MALRD1: variants seen among roughly 807,000 people sequenced by gnomAD.
The protein encoded by MALRD1 is MAM and LDL-receptor class A domain-containing protein 1.
In MALRD1, 247 loss-of-function variants were observed where a neutral mutation model predicts 242.1. The observed-to-expected ratio is 1.02, with a 90% CI of 0.92 to 1.13. The LOEUF is 1.13. MALRD1 is among the 50% of genes most tolerant of loss of function. The pLI, the probability that MALRD1 is intolerant of heterozygous loss-of-function variation, is 0.00. For missense variants in MALRD1, 2,989 were observed against 2,533.1 expected (o/e 1.18, Z -3.86); for synonymous variants, 995 against 866.6 (o/e 1.15, Z -2.60).
chr10:19,729,716 T>G (rs2131937240), intron 38 of MALRD1, among the ~76,000 whole-genome samples: 1 of 145,700 alleles, frequency 6.9e-6, no homozygotes, highest in East Asian at 2.0e-4. Context: ...ATAAGTCTAT[T>G]AATTCTTTTT....
At chr10:19,335,493 T>A (rs1588928815) in intron 24 of MALRD1, among the ~76,000 whole-genome samples, 1 of 152,150 alleles carries the variant, frequency 6.6e-6, no homozygotes, top group Non-Finnish European at 1.5e-5. Context: ...ATAAGTGGTG[T>A]TATTATATTT....
intron 36 of MALRD1, among the ~76,000 whole-genome samples, chr10:19,686,382 G>T (rs768460074): frequency 6.6e-6 from 1 of 152,140 alleles, no homozygotes; most frequent in African/African-American, 2.4e-5. Context: ...CGTGTTTGCT[G>T]CAGTTGTGCG....
At chr10:19,228,013 A>C (rs1837874426) in intron 18 of MALRD1, among the ~76,000 whole-genome samples, 1 of 152,194 alleles carries the variant, frequency 6.6e-6, no homozygotes. Flanking sequence ...TGGGACTTCA[A>C]AATGGTACAG....
intron 29 of MALRD1, among the ~76,000 whole-genome samples, chr10:19,456,521 A>G (rs1197507149): frequency 1.3e-5 from 2 of 151,614 alleles, no homozygotes; most frequent in Non-Finnish European, 2.9e-5. Flanking sequence ...TATAAAGTTC[A>G]CACACAAATA....
At position 19,144,022 on chromosome 10, in the gene MALRD1, C is replaced by G. The variant is rs551896315; in HGVS notation, c.1412-2176C>G. ...ACACCTAAGAAAAGAAAAACATAGC[C>G]AAGAGCAATAGATTTCCAGCTAGGT... is the stretch of plus-strand genomic sequence containing the variant. On this transcript the variant is annotated intron_variant, in intron 10 of 39. Coordinates refer to ENST00000454679, the MANE Select transcript of MALRD1 (RefSeq NM_001142308.3). 5.3e-5 allele frequency among the ~76,000 whole-genome samples: 8 copies of G among 152,220 alleles called. No individual in the cohort carries two copies. In the East Asian group the frequency reaches 1.5e-3, roughly 29 times the overall value.
intron 33 of MALRD1, among the ~76,000 whole-genome samples, chr10:19,590,819 C>T (rs1310576635): frequency 6.6e-6 from 1 of 152,084 alleles, no homozygotes; most frequent in African/African-American, 2.4e-5. Context: ...CCCTCATAGT[C>T]TTCCCTGCTA....
chr10:19,467,349 C>T (rs1355061367), intron 29 of MALRD1, among the ~76,000 whole-genome samples: 20 of 97,552 alleles, frequency 2.1e-4, no homozygotes, highest in Non-Finnish European at 4.4e-4. Context: ...AGTGAGACTC[C>T]GCCACTGCAC....
chr10:19,528,919 C>G (rs886830643), intron 31 of MALRD1, among the ~76,000 whole-genome samples: 1 of 152,112 alleles, frequency 6.6e-6, no homozygotes, highest in African/African-American at 2.4e-5. Context: ...GGCAAGTAGC[C>G]CATGAACGGG....
intron 36 of MALRD1, among the ~76,000 whole-genome samples, chr10:19,669,946 G>T (rs569850539): frequency 3.1e-4 from 47 of 152,152 alleles, no homozygotes; most frequent in African/African-American, 1.1e-3. Flanking sequence ...CACACTAGAA[G>T]AAACAAAGAA....
At chr10:19,443,281 C>T (rs931340271) in intron 28 of MALRD1, among the ~76,000 whole-genome samples, 1 of 152,120 alleles carries the variant, frequency 6.6e-6, no homozygotes, top group African/African-American at 2.4e-5. Flanking sequence ...CTCCTGGATT[C>T]ATTGATTTTT....
At chr10:19,096,058 C>G (rs2131315371) in intron 4 of MALRD1, among the ~76,000 whole-genome samples, 1 of 152,276 alleles carries the variant, frequency 6.6e-6, no homozygotes, top group South Asian at 2.1e-4. Context: ...TTTTGCCAAG[C>G]TTTGTGCCTT....
chr10:19,605,954 T>C (rs755309626), intron 34 of MALRD1, among the ~76,000 whole-genome samples: 14 of 152,140 alleles, frequency 9.2e-5, no homozygotes, highest in Non-Finnish European at 1.8e-4. Flanking sequence ...TGAATTGATA[T>C]TCTAGCACCT....
chr10:19,257,391 G>C (rs1409015072), intron 18 of MALRD1, among the ~76,000 whole-genome samples: 2 of 152,092 alleles, frequency 1.3e-5, no homozygotes, highest in African/African-American at 4.8e-5. Flanking sequence ...ATGGCTGAAA[G>C]TTATAGGGCA....
chr10:19,328,099 T>C (rs1843212042), intron 23 of MALRD1, among the ~76,000 whole-genome samples: 1 of 152,112 alleles, frequency 6.6e-6, no homozygotes, highest in South Asian at 2.1e-4. Flanking sequence ...TTTAAAAATA[T>C]TTTTGGGGGG....
At chr10:19,391,143 A>G (rs760818325) in intron 28 of MALRD1, among the ~76,000 whole-genome samples, 1 of 152,178 alleles carries the variant, frequency 6.6e-6, no homozygotes, top group Non-Finnish European at 1.5e-5. Context: ...CTTCCTACCA[A>G]TGGCATAGAA....
intron 4 of MALRD1, among the ~76,000 whole-genome samples, chr10:19,103,289 C>T (rs914916774): frequency 1.3e-5 from 2 of 151,666 alleles, no homozygotes; most frequent in Non-Finnish European, 2.9e-5. Context: ...CGGCCAGGTG[C>T]GGTGGCTCAA....
intron 18 of MALRD1, among the ~76,000 whole-genome samples, chr10:19,221,666 G>T (rs147162737): frequency 1.8e-4 from 28 of 152,258 alleles, no homozygotes; most frequent in African/African-American, 6.5e-4. Context: ...CACATCAGAT[G>T]TCTTGATAGG....
intron 29 of MALRD1, among the ~76,000 whole-genome samples, chr10:19,468,523 T>G (rs1055820228): frequency 6.6e-6 from 1 of 152,092 alleles, no homozygotes; most frequent in Non-Finnish European, 1.5e-5. Flanking sequence ...TTTTCATGAG[T>G]TGAGTCACTG....
At chr10:19,163,862 C>T (rs1218386111) in intron 12 of MALRD1, among the ~76,000 whole-genome samples, 10 of 152,144 alleles carry the variant, frequency 6.6e-5, no homozygotes, top group Admixed American at 6.5e-4. Flanking sequence ...GACTATGGAT[C>T]CCATTGGCAT....
Sources: gnomAD v4.1 joint callset for allele counts (sites outside exome capture counted in the v4.1 genomes callset) on GRCh38, gnomAD v4.1.1 for gene constraint, MANE v1.5 for transcripts, NCBI Gene and HGNC (gene_info 2026-07-23, HGNC 2026-07-21) for gene names.